TSPAN12: variants seen among roughly 807,000 people sequenced by gnomAD.
TSPAN12 encodes the protein tetraspanin 12.
Under a neutral mutation model 39.2 loss-of-function variants are expected in TSPAN12, and 19 were observed. The observed-to-expected ratio is 0.49, with a 90% CI of 0.34 to 0.71. TSPAN12 has a LOEUF of 0.71. Ranked by LOEUF, TSPAN12 falls within the 30% of genes least tolerant of loss-of-function variation. The pLI, the probability that TSPAN12 is intolerant of heterozygous loss-of-function variation, is 0.01. For missense variants in TSPAN12, 314 were observed against 359.9 expected, an observed-to-expected ratio of 0.87 and a Z score of 1.03; for synonymous variants, 119 against 124.8, an observed-to-expected ratio of 0.95 and a Z score of 0.31.
intron 4 of TSPAN12, among the ~76,000 whole-genome samples, chr7:120,828,654 C>CTT (rs1562947947): frequency 1.5e-4 from 22 of 144,448 alleles, no homozygotes; most frequent in Non-Finnish European, 2.7e-4. Flanking sequence ...TTTTCTTTCT[C>CTT]CTTTTTTTTT....
At chr7:120,839,497 T>C (rs1166447181) in intron 3 of TSPAN12, among the ~76,000 whole-genome samples, 1 of 152,196 alleles carries the variant, frequency 6.6e-6, no homozygotes, top group Non-Finnish European at 1.5e-5. Flanking sequence ...ACTTTCCCTG[T>C]GTTAAGGACT....
chr7:120,840,006 A>T, intron 3 of TSPAN12, 21 bp downstream of exon 3: 2 of 1,570,430 alleles, frequency 1.3e-6, no homozygotes, highest in Non-Finnish European at 1.8e-6. Context: ...AAAGAATTCA[A>T]TCAATAATTA....
chr7:120,816,722 T>G (rs1342035437), intron 4 of TSPAN12, among the ~76,000 whole-genome samples: 2 of 152,080 alleles, frequency 1.3e-5, no homozygotes, highest in Non-Finnish European at 2.9e-5. Flanking sequence ...GTAGCATCTT[T>G]CAAAGGTTCT....
chr7:120,829,156 A>T (rs1360272881), intron 4 of TSPAN12, among the ~76,000 whole-genome samples: 1 of 152,184 alleles, frequency 6.6e-6, no homozygotes, highest in East Asian at 1.9e-4. Context: ...TTTTAAATAC[A>T]ATTTAAGTTA....
Position 120,838,986 on chromosome 7 carries a change from C to A in TSPAN12, c.150-74G>T, listed in dbSNP as rs745856503. On this transcript the variant is annotated intron_variant, in intron 3 of 7. Coordinates refer to ENST00000222747, the MANE Select transcript of TSPAN12 (RefSeq NM_012338.4). ...ACCCAAGACATAGCAGAAGACACAACTGTGATTTGTGTTAATAATTCTTTC... is the reference window on the plus strand; with the variant it reads ...ACCCAAGACATAGCAGAAGACACAAATGTGATTTGTGTTAATAATTCTTTC... 2.4e-5 allele frequency: 35 copies of A among 1,468,432 alleles called. 1 individual carries two copies. The South Asian group carries it at 4.0e-4, about 17-fold the overall frequency. 91.0% of individuals were successfully genotyped at this position (1,468,432 alleles called of 1,614,324 possible). A position where few individuals can be genotyped will look rare whatever the true frequency, so the allele number is the denominator to read the frequency against.
In TSPAN12 at chr7:120,810,189, GA is replaced by G. The variant is rs549408314; in HGVS notation, c.468+273del. 2.8e-3 allele frequency among the ~76,000 whole-genome samples: 424 copies of G among 152,130 alleles called. 2 individuals carry two copies. Among genetic ancestry groups the G allele is most frequent in the Admixed American group, 0.011 (163 of 15,290 alleles). The stretch of plus-strand genomic sequence containing the variant: ...TTTATCAAGTTAACTCTCATAAAAA[GA>G]AAACTTCACAATAATTTAGCAAAAT... On this transcript the variant is annotated intron_variant, in intron 6 of 7. Coordinates refer to ENST00000222747, the MANE Select transcript of TSPAN12 (RefSeq NM_012338.4).
intron 4 of TSPAN12, among the ~76,000 whole-genome samples, chr7:120,825,154 GTTT>G (rs902358823): frequency 6.6e-6 from 1 of 151,778 alleles, no homozygotes; most frequent in Non-Finnish European, 1.5e-5. Flanking sequence ...TTTACATAAG[GTTT>G]TTTTTGTGTG....
intron 7 of TSPAN12, among the ~76,000 whole-genome samples, chr7:120,795,614 C>G (rs964096919): frequency 2.8e-4 from 42 of 152,088 alleles, no homozygotes; most frequent in Admixed American, 2.6e-3. Context: ...AATCTAGGTG[C>G]CAATACATGC....
chr7:120,819,166 T>C (rs1454432612), intron 4 of TSPAN12, among the ~76,000 whole-genome samples: 1 of 152,046 alleles, frequency 6.6e-6, no homozygotes, highest in African/African-American at 2.4e-5. Context: ...AACCAAAGCA[T>C]CCCTGAAAAG....
intron 4 of TSPAN12, among the ~76,000 whole-genome samples, chr7:120,836,553 G>T (rs145010655): frequency 6.6e-6 from 1 of 152,128 alleles, no homozygotes; most frequent in Non-Finnish European, 1.5e-5. Flanking sequence ...TGAACCCTTC[G>T]GGCTGAGCTC....
At chr7:120,811,777 T>C (rs540742054) in intron 5 of TSPAN12, among the ~76,000 whole-genome samples, 69 of 151,978 alleles carry the variant, frequency 4.5e-4, no homozygotes, top group Non-Finnish European at 8.7e-4. Flanking sequence ...TGCAGACCAA[T>C]ATTCTAAGTG....
At chr7:120,819,523 A>C (rs1021230681) in intron 4 of TSPAN12, among the ~76,000 whole-genome samples, 5 of 152,122 alleles carry the variant, frequency 3.3e-5, no homozygotes, top group African/African-American at 1.2e-4. Flanking sequence ...AACACTCAGG[A>C]ACACTGATTT....
intron 5 of TSPAN12, chr7:120,814,250 G>T (rs1794038332): frequency 2.2e-6 from 1 of 456,546 alleles, no homozygotes; most frequent in Admixed American, 2.3e-5. Context: ...TCTTCGCTCT[G>T]AAACAAAGAC....
chr7:120,809,435 A>G (rs1018837901), intron 6 of TSPAN12, among the ~76,000 whole-genome samples: 1 of 152,270 alleles, frequency 6.6e-6, no homozygotes, highest in South Asian at 2.1e-4. Context: ...AAGCACTTAA[A>G]TAAACAGGAA....
Position 120,802,632 on chromosome 7 carries a change from T to C in TSPAN12, c.612+3917A>G, listed in dbSNP as rs567940803. Among the ~76,000 whole-genome samples, 42 of 152,304 alleles carry C rather than the reference T, an allele frequency of 2.8e-4. 1 individual carries two copies. The South Asian group carries it at 8.3e-3, about 30-fold the overall frequency. On this transcript the variant is annotated intron_variant, in intron 7 of 7. Transcript: ENST00000222747. ...ATTTAGAAGAGCAAATGGAACCCAG[T>C]AGGCAATCACAAAATATTCTGAATG... is the stretch of plus-strand genomic sequence containing the variant.
intron 4 of TSPAN12, among the ~76,000 whole-genome samples, chr7:120,820,222 G>T (rs1348537918): frequency 6.6e-6 from 1 of 152,050 alleles, no homozygotes. Flanking sequence ...TTAGATTTAA[G>T]TTCAAAACCA....
At chr7:120,803,371 T>C (rs1415720008) in intron 7 of TSPAN12, among the ~76,000 whole-genome samples, 1 of 148,896 alleles carries the variant, frequency 6.7e-6, no homozygotes, top group Non-Finnish European at 1.5e-5. Context: ...CCTCCAGCTG[T>C]TCCTCACTTA....
chr7:120,833,547 A>G (rs1208903031), intron 4 of TSPAN12, among the ~76,000 whole-genome samples: 1 of 152,132 alleles, frequency 6.6e-6, no homozygotes, highest in African/African-American at 2.4e-5. Context: ...CACAATCAAT[A>G]GTTATATTCA....
intron 7 of TSPAN12, among the ~76,000 whole-genome samples, chr7:120,803,662 T>C (rs1166403405): frequency 6.6e-6 from 1 of 152,192 alleles, no homozygotes; most frequent in Non-Finnish European, 1.5e-5. Flanking sequence ...TGGAAGTCTG[T>C]GTCTAAAGAA....
Sources: allele counts gnomAD v4.1 joint callset (sites outside exome capture counted in the v4.1 genomes callset), GRCh38; gene constraint gnomAD v4.1.1; transcripts MANE v1.5; gene names NCBI Gene and HGNC (gene_info 2026-07-23, HGNC 2026-07-21).